LAMA2: variants seen among roughly 807,000 people sequenced by gnomAD.
LAMA2 encodes the protein laminin subunit alpha 2.
In LAMA2, 269 loss-of-function variants were observed where a neutral mutation model predicts 364.8. The observed-to-expected ratio is 0.74, with a 90% confidence interval of 0.67 to 0.82. The LOEUF is 0.82. Among genes scored for constraint, LAMA2 ranks in the 40% least tolerant of loss-of-function variants. The probability of loss-of-function intolerance (pLI) is 0.00; values close to 1 mark genes in which losing one functional copy is unlikely to be tolerated. For missense variants in LAMA2, 3,807 were observed against 3,873.2 expected, an observed-to-expected ratio of 0.98 and a Z score of 0.45; for synonymous variants, 1,379 against 1,370.6, an observed-to-expected ratio of 1.01 and a Z score of -0.14.
intron 31 of LAMA2, among the ~76,000 whole-genome samples, chr6:129,350,861 A>G (rs956734453): frequency 6.6e-6 from 1 of 152,226 alleles, no homozygotes; most frequent in African/African-American, 2.4e-5. Flanking sequence ...ATTTCTAAAT[A>G]AATCCGTATG....
chr6:129,205,217 G>A (rs1487342571), intron 12 of LAMA2, among the ~76,000 whole-genome samples: 5 of 131,306 alleles, frequency 3.8e-5, no homozygotes, highest in South Asian at 2.4e-4. Context: ...GTGAAACCCC[G>A]TCTCTACTAA....
intron 8 of LAMA2, chr6:129,158,910 C>T: frequency 6.2e-7 from 1 of 1,600,870 alleles, no homozygotes; most frequent in Non-Finnish European, 8.6e-7. Flanking sequence ...TTATTAATAG[C>T]ATCATCTGGG....
chr6:129,130,880 A>G (rs1301786146), intron 4 of LAMA2, among the ~76,000 whole-genome samples: 2 of 152,246 alleles, frequency 1.3e-5, no homozygotes, highest in Non-Finnish European at 2.9e-5. Context: ...AGGATAAATG[A>G]AACAGTTTTG....
chr6:129,048,498 TTCCTTCC>T (rs1787728972), intron 1 of LAMA2, among the ~76,000 whole-genome samples: 29 of 32,398 alleles, frequency 9.0e-4, no homozygotes, highest in Non-Finnish European at 1.2e-3. Context: ...CTTTCTTTCC[TTCCTTCC>T]TTCCTTCCTT....
At chr6:129,178,998 C>T (rs1484480237) in intron 10 of LAMA2, among the ~76,000 whole-genome samples, 2 of 152,098 alleles carry the variant, frequency 1.3e-5, no homozygotes, top group African/African-American at 2.4e-5. Context: ...TCCACAAGCC[C>T]ATAGTAAAAA....
At chr6:129,413,522 C>G (rs1780640559) in intron 40 of LAMA2, among the ~76,000 whole-genome samples, 1 of 152,064 alleles carries the variant, frequency 6.6e-6, no homozygotes, top group Non-Finnish European at 1.5e-5. Flanking sequence ...AGGACCACAA[C>G]CTAGATCATA....
Position 129,510,603 on chromosome 6 carries a change from A to G in LAMA2, c.8858-1760A>G, listed in dbSNP as rs113776173. 8.3e-3 allele frequency among the ~76,000 whole-genome samples: 1,265 copies of G among 152,292 alleles called. 11 individuals are homozygous for G. Among genetic ancestry groups the G allele is most frequent in the Non-Finnish European group, 0.014 (944 of 67,992 alleles). On this transcript the variant is annotated intron_variant, in intron 62 of 64. Coordinates refer to ENST00000421865, the MANE Select transcript of LAMA2 (RefSeq NM_000426.4). The stretch of plus-strand genomic sequence containing the variant: ...TAGTTCTTTCTATCAAGAATATATT[A>G]TCAACTGGTAAGAAATTGAAAGAAG...
At chr6:129,480,310 A>T (rs1784283630) in intron 54 of LAMA2, among the ~76,000 whole-genome samples, 1 of 152,158 alleles carries the variant, frequency 6.6e-6, no homozygotes, top group African/African-American at 2.4e-5. Flanking sequence ...AAAATCTAGG[A>T]CTTTAAAAAT....
intron 1 of LAMA2, among the ~76,000 whole-genome samples, chr6:128,935,478 G>T (rs535595560): frequency 6.6e-6 from 1 of 152,128 alleles, no homozygotes; most frequent in African/African-American, 2.4e-5. Context: ...TGGACATTTG[G>T]GTTGGTTCCA....
chr6:128,886,097 G>A (rs1295495728), intron 1 of LAMA2, among the ~76,000 whole-genome samples: 2 of 152,156 alleles, frequency 1.3e-5, no homozygotes, highest in Non-Finnish European at 2.9e-5. Flanking sequence ...TGCAACAGAG[G>A]TTTTCTTATA....
intron 28 of LAMA2, among the ~76,000 whole-genome samples, chr6:129,325,286 T>A (rs1424913250): frequency 1.3e-5 from 2 of 152,126 alleles, no homozygotes; most frequent in African/African-American, 4.8e-5. Flanking sequence ...TAAATTAGAG[T>A]AGAAATGGGT....
chr6:129,211,020 A>G (rs1026515999), intron 12 of LAMA2, among the ~76,000 whole-genome samples: 1 of 152,212 alleles, frequency 6.6e-6, no homozygotes, highest in African/African-American at 2.4e-5. Context: ...TGGTTTCCCC[A>G]TAAGAAAACT....
intron 12 of LAMA2, among the ~76,000 whole-genome samples, chr6:129,219,422 T>C (rs1292453455): frequency 6.6e-6 from 1 of 151,754 alleles, no homozygotes; most frequent in Non-Finnish European, 1.5e-5. Context: ...AGTGTGGTGA[T>C]TCCTCAGGGA....
chr6:128,998,495 T>A (rs1251806074), intron 1 of LAMA2, among the ~76,000 whole-genome samples: 1 of 116,680 alleles, frequency 8.6e-6, no homozygotes, highest in East Asian at 2.0e-4. Flanking sequence ...ACCGGGTTCA[T>A]CTCACTAGGG....
intron 1 of LAMA2, among the ~76,000 whole-genome samples, chr6:128,921,877 TC>T (rs1451320326): frequency 9.6e-6 from 1 of 104,492 alleles, no homozygotes; most frequent in African/African-American, 4.0e-5. Flanking sequence ...CCCACAACAG[TC>T]CCCAGAGTGT....
In LAMA2 at chr6:129,303,957, C is replaced by T. The variant is rs140705882; in HGVS notation, c.3174+3085C>T. 8.5e-4 allele frequency among the ~76,000 whole-genome samples: 130 copies of T among 152,186 alleles called. No homozygotes were observed. In the East Asian group the frequency reaches 0.019, roughly 23 times the overall value. ...ATTCCCTCCTCATAATTTATAAAAG[C>T]GTTTTCACAATCAATGAGGTAGAAA... is the stretch of plus-strand genomic sequence containing the variant. On this transcript the variant is annotated intron_variant, in intron 22 of 64. Transcript: ENST00000421865.
chr6:129,447,636 G>A (rs1782455024), intron 45 of LAMA2, among the ~76,000 whole-genome samples: 1 of 152,186 alleles, frequency 6.6e-6, no homozygotes, highest in Non-Finnish European at 1.5e-5. Flanking sequence ...AAAGCTTTGA[G>A]CATGGAACAC....
chr6:129,297,926 G>C, intron 21 of LAMA2, 61 bp downstream of exon 21: 1 of 1,381,804 alleles, frequency 7.2e-7, no homozygotes, highest in Non-Finnish European at 1.0e-6. Flanking sequence ...TCTGACTTCT[G>C]TAACAGTTTG....
At chr6:128,907,999 T>G (rs1191436313) in intron 1 of LAMA2, among the ~76,000 whole-genome samples, 1 of 152,012 alleles carries the variant, frequency 6.6e-6, no homozygotes, top group Non-Finnish European at 1.5e-5. Flanking sequence ...TTGATCATGG[T>G]GGATAAGCTT....
Sources: allele counts gnomAD v4.1 joint callset (sites outside exome capture counted in the v4.1 genomes callset), GRCh38; gene constraint gnomAD v4.1.1; transcripts MANE v1.5; gene names NCBI Gene and HGNC (gene_info 2026-07-23, HGNC 2026-07-21).